The following ESR1 variants were observed in gnomAD, a reference collection of about 807,000 sequenced individuals.
ESR1 encodes estrogen receptor 1, also known as estrogen receptor.
ESR1 carries 12 observed loss-of-function variants against 52.7 expected under a neutral mutation model. The ratio of observed to expected loss-of-function variants is 0.23; its 90% CI spans 0.15 to 0.37. The LOEUF is 0.37. Among genes scored for constraint, ESR1 ranks in the 10% least tolerant of loss-of-function variants. ESR1 has a pLI of 1.00. For missense variants in ESR1, 584 were observed against 779.7 expected (o/e 0.75, Z 2.99); for synonymous variants, 305 against 316.8 (o/e 0.96, Z 0.39).
chr6:151,979,444 T>G (rs1245938222), intron 4 of ESR1, among the ~76,000 whole-genome samples: 2 of 152,328 alleles, frequency 1.3e-5, no homozygotes, highest in African/African-American at 4.8e-5. Context: ...TATTGATGAC[T>G]TGATATGTTT....
chr6:151,861,178 T>C (rs1788819928), intron 2 of ESR1, among the ~76,000 whole-genome samples: 1 of 152,150 alleles, frequency 6.6e-6, no homozygotes, highest in Non-Finnish European at 1.5e-5. Context: ...TAAGTCTGCA[T>C]TTTCCATTCA....
In ESR1 at chr6:151,944,355, A is replaced by G. The variant is rs569578629; in HGVS notation, c.943A>G (p.Met315Val). 4 of 1,614,008 alleles carry G rather than the reference A, an allele frequency of 2.5e-6. No individual in the cohort carries two copies. The highest frequency in any genetic ancestry group is 1.3e-5 in the African/African-American group (1 of 75,018). Residue 315 changes from methionine (M) to valine (V), a missense_variant, in exon 4 of 8, where the codon ATG (methionine) becomes GTG (valine). Around this residue, in one of 6 missense-constraint regions of ESR1, gnomAD observed 88 missense variants for 88.3 expected, o/e 1.00. Coordinates refer to ENST00000206249, the MANE Select transcript of ESR1 (RefSeq NM_000125.4). ...GGCCTTGTCCCTGACGGCCGACCAG[A>G]TGGTCAGTGCCTTGTTGGATGCTGA... Reference protein sequence around the residue: ...SLALSLTADQMVSALLDAEPP... With the variant: ...SLALSLTADQVVSALLDAEPP...
chr6:151,992,354 C>T (rs2041106299), intron 4 of ESR1, among the ~76,000 whole-genome samples: 1 of 152,170 alleles, frequency 6.6e-6, no homozygotes, highest in African/African-American at 2.4e-5. Flanking sequence ...AACCTCCCAT[C>T]TACTTTCTCT....
At chr6:151,858,581 G>GT (rs11354030) in intron 2 of ESR1, among the ~76,000 whole-genome samples, 2,873 of 134,000 alleles carry the variant, frequency 0.021, 22 homozygotes, top group South Asian at 0.035. Context: ...ATCCGTTCCT[G>GT]TTTTTTTTTT....
chr6:152,040,571 A>G (rs1209887833), intron 5 of ESR1, among the ~76,000 whole-genome samples: 1 of 152,178 alleles, frequency 6.6e-6, no homozygotes, highest in Admixed American at 6.5e-5. Flanking sequence ...ATGAATCAGT[A>G]TATAATCACA....
intron 4 of ESR1, among the ~76,000 whole-genome samples, chr6:152,006,122 G>A (rs1264596208): frequency 6.6e-6 from 1 of 152,006 alleles, no homozygotes; most frequent in Non-Finnish European, 1.5e-5. Context: ...TGTTCTTCTA[G>A]CATTGAGACT....
At chr6:151,965,712 A>G (rs1459420206) in intron 4 of ESR1, among the ~76,000 whole-genome samples, 1 of 152,132 alleles carries the variant, frequency 6.6e-6, no homozygotes, top group Non-Finnish European at 1.5e-5. Context: ...GGACATATCT[A>G]TTGGTGACTT....
intron 7 of ESR1, among the ~76,000 whole-genome samples, chr6:152,097,266 C>T (rs2050690766): frequency 6.6e-6 from 1 of 152,094 alleles, no homozygotes; most frequent in Non-Finnish European, 1.5e-5. Flanking sequence ...GTTAAGTAAG[C>T]TTGGCCCCAG....
rs9340846 is a variant in ESR1 at position 151,880,856 on chromosome 6, G to A, written c.760+85G>A. The A allele has an allele frequency of 2.0e-3, 1,503 of 748,538 alleles. 23 individuals carry two copies. In the African/African-American group the frequency reaches 0.024, roughly 12 times the overall value. The allele number at this position is 748,538 out of a possible 1,614,324, so 46.4% of individuals were successfully genotyped here. On this transcript the variant is annotated intron_variant, in intron 3 of 7. Coordinates refer to ENST00000206249, the MANE Select transcript of ESR1 (RefSeq NM_000125.4). The stretch of plus-strand genomic sequence containing the variant: ...TCTACCCATTGGAATAACACCATGG[G>A]AATTTTGTGTTTTTTTCTTTTAATT...
chr6:151,958,022 A>G lies in ESR1; in HGVS notation c.1096+13514A>G, dbSNP rs139379616. Among the ~76,000 whole-genome samples, 38 of 152,300 alleles carry G rather than the reference A, an allele frequency of 2.5e-4. No individual in the cohort carries two copies. In the East Asian group the frequency reaches 6.4e-3, roughly 26 times the overall value. On this transcript the variant is annotated intron_variant, in intron 4 of 7. Coordinates refer to ENST00000206249, the MANE Select transcript of ESR1 (RefSeq NM_000125.4). Reference sequence around the variant, plus strand: ...GCCATCACACTCTGTGCTTCCTGTTATATCTACTGGTCAGAACTTCAGATA... The same window carrying G: ...GCCATCACACTCTGTGCTTCCTGTTGTATCTACTGGTCAGAACTTCAGATA...
intron 6 of ESR1, among the ~76,000 whole-genome samples, chr6:152,081,032 G>A (rs2049157535): frequency 6.6e-6 from 1 of 152,070 alleles, no homozygotes; most frequent in African/African-American, 2.4e-5. Context: ...TGGGAGACTG[G>A]GAGACACCCC....
At chr6:151,759,686 A>T (rs1291795289) in intron 2 of ESR1, among the ~76,000 whole-genome samples, 1 of 152,200 alleles carries the variant, frequency 6.6e-6, no homozygotes, top group African/African-American at 2.4e-5. Context: ...AGATGATGGA[A>T]ATCTTGGACA....
At chr6:152,000,524 A>C (rs2041864510) in intron 4 of ESR1, among the ~76,000 whole-genome samples, 1 of 151,804 alleles carries the variant, frequency 6.6e-6, no homozygotes, top group Admixed American at 6.6e-5. Context: ...GCCTTTTTTT[A>C]ATTCTAGCAT....
intron 2 of ESR1, among the ~76,000 whole-genome samples, chr6:151,778,340 A>G (rs559341040): frequency 1.3e-5 from 2 of 152,278 alleles, no homozygotes; most frequent in East Asian, 3.9e-4. Flanking sequence ...CAACACTGGG[A>G]ATGTGCTTAA....
intron 2 of ESR1, among the ~76,000 whole-genome samples, chr6:151,788,710 C>T (rs1787247880): frequency 1.3e-5 from 2 of 152,068 alleles, no homozygotes; most frequent in Admixed American, 1.3e-4. Context: ...TCTAAATGCC[C>T]ATTGATGGTA....
At chr6:151,812,872 T>C (rs925106261) in intron 1 of ESR1, among the ~76,000 whole-genome samples, 1 of 151,938 alleles carries the variant, frequency 6.6e-6, no homozygotes, top group Non-Finnish European at 1.5e-5. Flanking sequence ...AAAGCGAAAG[T>C]GTAAGGGACT....
intron 3 of ESR1, among the ~76,000 whole-genome samples, chr6:151,919,520 T>A (rs917570192): frequency 6.6e-6 from 1 of 152,172 alleles, no homozygotes. Context: ...CACACATACA[T>A]CTATCATCCA....
At chr6:151,764,493 G>T (rs992372418) in intron 2 of ESR1, among the ~76,000 whole-genome samples, 1 of 152,116 alleles carries the variant, frequency 6.6e-6, no homozygotes, top group African/African-American at 2.4e-5. Flanking sequence ...ACGGCCAGTG[G>T]GGGGCTGCTG....
At chr6:151,717,559 A>G (rs899973672) in intron 2 of ESR1, among the ~76,000 whole-genome samples, 68 of 152,288 alleles carry the variant, frequency 4.5e-4, no homozygotes, top group Non-Finnish European at 8.1e-4. Flanking sequence ...TTTTCTTCAT[A>G]TTGGCTTTCT....
Sources: gnomAD v4.1 joint callset for allele counts (sites outside exome capture counted in the v4.1 genomes callset) on GRCh38, gnomAD v4.1.1 for gene constraint, gnomAD v4.1.1 regional missense constraint, MANE v1.5 for transcripts, NCBI Gene and HGNC (gene_info 2026-07-23, HGNC 2026-07-21) for gene names.